BST1: variants seen among roughly 807,000 people sequenced by gnomAD.
BST1 encodes the protein ADP-ribosyl cyclase/cyclic ADP-ribose hydrolase 2.
A neutral mutation model predicts 40.6 loss-of-function variants in BST1; 49 were observed. The observed-to-expected ratio is 1.21, with a 90% CI of 0.96 to 1.53. The LOEUF is 1.53. Ranked by LOEUF, BST1 falls within the 40% of genes most tolerant of loss-of-function variation. The probability of loss-of-function intolerance (pLI) is 0.00; values close to 1 mark genes in which losing one functional copy is unlikely to be tolerated. For synonymous variants in BST1, 157 were observed against 159.3 expected (o/e 0.99, Z 0.11); for missense variants, 423 against 395.9 (o/e 1.07, Z -0.58).
At chr4:15,754,302 AG>A in the BST1 span, among the ~76,000 whole-genome samples, 1 of 152,174 alleles carries the variant, frequency 6.6e-6, no homozygotes, top group African/African-American at 2.4e-5. Flanking sequence ...AGAGGTTGTG[AG>A]GATTAGTGTG....
chr4:15,736,244 G>A (rs6834649), downstream of BST1: 255 of 676,326 alleles, frequency 3.8e-4, 2 homozygotes, highest in African/African-American at 4.5e-3. Flanking sequence ...TCCTACGCTA[G>A]GGTCCTGAGT....
chr4:15,761,314 G>C, the BST1 span, among the ~76,000 whole-genome samples: 2 of 151,946 alleles, frequency 1.3e-5, no homozygotes, highest in East Asian at 1.9e-4. Context: ...TTCTACTCTA[G>C]CTGTACAGTT....
intron 1 of BST1, among the ~76,000 whole-genome samples, chr4:15,704,717 T>C (rs1357825021): frequency 6.6e-6 from 1 of 152,124 alleles, no homozygotes; most frequent in African/African-American, 2.4e-5. Context: ...GAACCCAGAA[T>C]GTGATCTCAG....
downstream of BST1, chr4:15,736,123 T>G (rs1163116542): frequency 9.3e-6 from 12 of 1,288,530 alleles, no homozygotes; most frequent in Non-Finnish European, 1.2e-5. Flanking sequence ...GTTCTAGCCT[T>G]TGTACAAGGT....
At chr4:15,720,821 G>T (rs79925994) in intron 7 of BST1, among the ~76,000 whole-genome samples, 354 of 152,052 alleles carry the variant, frequency 2.3e-3, no homozygotes, top group African/African-American at 8.1e-3. Flanking sequence ...CCTAGCCATC[G>T]CCCCCTCAAA....
intron 6 of BST1, among the ~76,000 whole-genome samples, chr4:15,717,516 G>A (rs535873462): frequency 5.9e-5 from 9 of 152,310 alleles, no homozygotes; most frequent in Admixed American, 5.2e-4. Context: ...CTGTTGGTAC[G>A]AGTGTGGGAA....
intron 2 of BST1, among the ~76,000 whole-genome samples, 187 bp from the exon 3 acceptor site, chr4:15,707,324 A>T (rs903006412): frequency 2.0e-5 from 3 of 152,210 alleles, no homozygotes; most frequent in Non-Finnish European, 2.9e-5. Context: ...CTGGGAATAA[A>T]GGGAGGAGAG....
chr4:15,765,784 C>T, the BST1 span, among the ~76,000 whole-genome samples: 3 of 151,916 alleles, frequency 2.0e-5, no homozygotes, highest in Admixed American at 2.0e-4. Flanking sequence ...GGTCCTTTAC[C>T]CAAAATTGCA....
rs1719652501 is a variant in BST1 at position 15,703,345 on chromosome 4, GCC to G, written c.188+14_188+15del. 1.3e-6 allele frequency: 2 copies of G among 1,492,588 alleles called. No individual in the cohort carries two copies. The highest frequency in any genetic ancestry group is 1.4e-5 in the African/African-American group (1 of 68,986). 92.5% of individuals were successfully genotyped at this position (1,492,588 alleles called of 1,614,324 possible). A position where few individuals can be genotyped will look rare whatever the true frequency, so the allele number is the denominator to read the frequency against. On this transcript the variant is annotated intron_variant, in intron 1 of 8. Transcript: ENST00000265016. ...GTCCCGAGCAGCGGTGAGGCAGTCGGCCGGGTGGAAGGGGAGCCGGAAAGAGG... is the reference window on the plus strand; with the variant it reads ...GTCCCGAGCAGCGGTGAGGCAGTCGGGGGTGGAAGGGGAGCCGGAAAGAGG...
In BST1 at chr4:15,703,074, C is replaced by A. The variant is rs1233807738; in HGVS notation, c.-71C>A. On this transcript the variant is annotated 5_prime_UTR_variant, in exon 1 of 9. Transcript: ENST00000265016. ...GAGAGTCCCGCCCTGCATCAGTTTG[C>A]GGAACCGCCTTGGTAGAAGGAGAGA... The A allele has an allele frequency of 3.4e-6, 5 of 1,481,596 alleles. No homozygotes were observed. The allele number at this position is 1,481,596 out of a possible 1,614,324, so 91.8% of individuals were successfully genotyped here. A position where few individuals can be genotyped will look rare whatever the true frequency, so the allele number is the denominator to read the frequency against.
chr4:15,708,796 C>T (rs950280069), intron 3 of BST1, among the ~76,000 whole-genome samples: 2 of 151,926 alleles, frequency 1.3e-5, no homozygotes, highest in African/African-American at 4.8e-5. Flanking sequence ...CAGGAGAATC[C>T]CTCGAACCCT....
chr4:15,757,256 C>T, the BST1 span, among the ~76,000 whole-genome samples: 3 of 152,120 alleles, frequency 2.0e-5, no homozygotes, highest in African/African-American at 4.8e-5. Context: ...TTCGCGGGAC[C>T]CCTGTGCCAA....
At chr4:15,719,063 A>G (rs1394922930) in intron 7 of BST1, 70 bp downstream of exon 7, 3 of 1,391,688 alleles carry the variant, frequency 2.2e-6, no homozygotes, top group African/African-American at 1.5e-5. Flanking sequence ...GGGCTGCCGA[A>G]AGGGTATTGA....
At chr4:15,746,267 G>T in the BST1 span, among the ~76,000 whole-genome samples, 2 of 152,184 alleles carry the variant, frequency 1.3e-5, no homozygotes, top group African/African-American at 4.8e-5. Flanking sequence ...AGGATATGAT[G>T]AAATCACCAC....
At chr4:15,731,074 AG>A in intron 8 of BST1, 1 of 492,198 alleles carries the variant, frequency 2.0e-6, no homozygotes. Flanking sequence ...GTTGACAGGC[AG>A]GTGACTGTTA....
chr4:15,753,063 T>C, the BST1 span, among the ~76,000 whole-genome samples: 1 of 148,894 alleles, frequency 6.7e-6, no homozygotes, highest in Non-Finnish European at 1.5e-5. Flanking sequence ...CTAAGAAATA[T>C]AAATATAAAT....
intron 1 of BST1, among the ~76,000 whole-genome samples, chr4:15,704,453 G>A (rs548561805): frequency 2.2e-4 from 32 of 146,442 alleles, no homozygotes; most frequent in African/African-American, 7.1e-4. Flanking sequence ...CTAGAGGTGA[G>A]ATGTGTGTGT....
At chr4:15,740,271 T>C (rs1721713129), downstream of BST1, among the ~76,000 whole-genome samples, 1 of 152,220 alleles carries the variant, frequency 6.6e-6, no homozygotes, top group Admixed American at 6.5e-5. Context: ...TTGACCAGGC[T>C]GGTCTCAAAC....
At chr4:15,773,027 A>G in the BST1 span, among the ~76,000 whole-genome samples, 1 of 152,228 alleles carries the variant, frequency 6.6e-6, no homozygotes, top group African/African-American at 2.4e-5. Context: ...TGACTTGGAA[A>G]AAAAACCCCA....
Sources: gnomAD v4.1 joint callset for allele counts (sites outside exome capture counted in the v4.1 genomes callset) on GRCh38, gnomAD v4.1.1 for gene constraint, MANE v1.5 for transcripts, NCBI Gene and HGNC (gene_info 2026-07-23, HGNC 2026-07-21) for gene names.